The following CELF2 variants were observed in gnomAD, a reference collection of about 807,000 sequenced individuals.
CELF2 encodes the protein CUGBP Elav-like family member 2.
Under a neutral mutation model 62.6 loss-of-function variants are expected in CELF2, and 8 were observed. The ratio of observed to expected loss-of-function variants is 0.13; its 90% CI spans 0.07 to 0.23. CELF2 has a LOEUF of 0.23. Among genes scored for constraint, CELF2 ranks in the 10% least tolerant of loss-of-function variants. The probability of loss-of-function intolerance (pLI) is 1.00; values close to 1 mark genes in which losing one functional copy is unlikely to be tolerated. For missense variants in CELF2, 333 were observed against 671.0 expected (o/e 0.50, Z 5.56); for synonymous variants, 258 against 250.0 (o/e 1.03, Z -0.30).
the CELF2 span, among the ~76,000 whole-genome samples, chr10:10,541,268 A>T: frequency 4.0e-5 from 6 of 149,458 alleles, no homozygotes; most frequent in Admixed American, 4.0e-4. Flanking sequence ...AAAGACCCAC[A>T]CACATATAAA....
In CELF2 at chr10:11,260,614, A is replaced by G. The variant is rs2080216586; in HGVS notation, c.538+2742A>G. On this transcript the variant is annotated intron_variant, in intron 5 of 12. Transcript: ENST00000633077. This position sits in a 1 kb window ranked among gnomAD's most constrained non-coding sequence, Gnocchi z 4.2. ...CAATATTTTATGCAAACGCTGGCTCAGTGGAAAGAGGAGAAAACTTTTCCC... is the reference window on the plus strand; with the variant it reads ...CAATATTTTATGCAAACGCTGGCTCGGTGGAAAGAGGAGAAAACTTTTCCC... Among the ~76,000 whole-genome samples the G allele has an allele frequency of 6.6e-6, 1 of 151,788 alleles. No individual in the cohort carries two copies. The highest frequency in any genetic ancestry group is 1.9e-4 in the East Asian group (1 of 5,168).
chr10:10,515,398 A>T, the CELF2 span, among the ~76,000 whole-genome samples: 1 of 152,224 alleles, frequency 6.6e-6, no homozygotes, highest in Non-Finnish European at 1.5e-5. Context: ...AAGCTCATTC[A>T]TTGGAGCTGA....
chr10:10,981,897 T>A (rs2052159953), intron 2 of CELF2, among the ~76,000 whole-genome samples: 2 of 151,646 alleles, frequency 1.3e-5, no homozygotes, highest in African/African-American at 4.8e-5. Context: ...CTGTCCAATT[T>A]CCAAGCCTCC....
At chr10:10,544,410 A>G in the CELF2 span, among the ~76,000 whole-genome samples, 1 of 152,370 alleles carries the variant, frequency 6.6e-6, no homozygotes, top group East Asian at 1.9e-4. Context: ...AGCCTCAGTT[A>G]CTACTTAGAG....
chr10:10,507,111 C>T, the CELF2 span, among the ~76,000 whole-genome samples: 1 of 152,132 alleles, frequency 6.6e-6, no homozygotes, highest in Admixed American at 6.5e-5. Context: ...TTTCAGCGAT[C>T]GCTGTCCTAG....
intron 1 of CELF2, among the ~76,000 whole-genome samples, chr10:11,148,742 G>A (rs2132558974): frequency 6.6e-6 from 1 of 152,180 alleles, no homozygotes; most frequent in South Asian, 2.1e-4. Flanking sequence ...CTCTGTCAGG[G>A]TTCTGGAATG....
chr10:10,745,196 C>A, the CELF2 span, among the ~76,000 whole-genome samples: 8 of 151,946 alleles, frequency 5.3e-5, no homozygotes, highest in Non-Finnish European at 1.0e-4. Flanking sequence ...ATGGACATGG[C>A]CTACTTGTGA....
At chr10:10,914,455 A>G (rs1025592135) in intron 1 of CELF2, among the ~76,000 whole-genome samples, 2 of 152,256 alleles carry the variant, frequency 1.3e-5, no homozygotes, top group Non-Finnish European at 2.9e-5. Context: ...AATGCTCTAC[A>G]TATTTAAAAT....
the CELF2 span, among the ~76,000 whole-genome samples, chr10:10,751,033 G>A: frequency 2.0e-5 from 3 of 152,342 alleles, no homozygotes; most frequent in Non-Finnish European, 1.5e-5. Context: ...TTTCGAACCC[G>A]TTTCAGCGAT....
chr10:10,541,267 C>G, the CELF2 span, among the ~76,000 whole-genome samples: 1 of 148,370 alleles, frequency 6.7e-6, no homozygotes, highest in Non-Finnish European at 1.5e-5. Flanking sequence ...AAAAGACCCA[C>G]ACACATATAA....
At chr10:10,504,681 T>C in the CELF2 span, among the ~76,000 whole-genome samples, 1 of 152,172 alleles carries the variant, frequency 6.6e-6, no homozygotes, top group Non-Finnish European at 1.5e-5. Context: ...ATATTTTTGT[T>C]ATAGCCCTAT....
At chr10:11,146,729 C>T (rs75190669) in intron 1 of CELF2, among the ~76,000 whole-genome samples, 1,638 of 152,268 alleles carry the variant, frequency 0.011, 24 homozygotes, top group African/African-American at 0.038. Flanking sequence ...GGATTCTTTC[C>T]ATGTGAGGCC....
chr10:11,325,486 G>A (rs2095675712), intron 11 of CELF2, among the ~76,000 whole-genome samples: 1 of 152,144 alleles, frequency 6.6e-6, no homozygotes, highest in Admixed American at 6.5e-5. Flanking sequence ...AGAAAATACG[G>A]CCACCCAAGA....
chr10:10,917,019 T>A (rs530093205), intron 1 of CELF2, among the ~76,000 whole-genome samples: 1 of 152,304 alleles, frequency 6.6e-6, no homozygotes, highest in East Asian at 1.9e-4. Flanking sequence ...TGTCATTTTT[T>A]ATCTTTTCAA....
At chr10:10,578,131 A>T in the CELF2 span, among the ~76,000 whole-genome samples, 1 of 151,308 alleles carries the variant, frequency 6.6e-6, no homozygotes, top group Non-Finnish European at 1.5e-5. Context: ...CATTTTTTTC[A>T]TGTGTCTTTT....
intron 1 of CELF2, among the ~76,000 whole-genome samples, chr10:11,064,585 A>T (rs1310734444): frequency 1.3e-5 from 2 of 152,184 alleles, no homozygotes; most frequent in Admixed American, 1.3e-4. Context: ...GAAAGATTTA[A>T]AATTATTCAG....
At chr10:11,248,154 G>T in intron 3 of CELF2, among the ~76,000 whole-genome samples, 1 of 152,302 alleles carries the variant, frequency 6.6e-6, no homozygotes, top group East Asian at 1.9e-4. Flanking sequence ...CTTCCACCCC[G>T]TGGCTCCTGT....
chr10:10,857,496 C>G (rs901902398), intron 1 of CELF2, among the ~76,000 whole-genome samples: 2 of 151,340 alleles, frequency 1.3e-5, no homozygotes, highest in African/African-American at 4.9e-5. Context: ...TAACTGCCTG[C>G]CAAAGCACTC....
intron 1 of CELF2, among the ~76,000 whole-genome samples, chr10:10,910,158 A>T (rs1165513752): frequency 6.6e-6 from 1 of 152,230 alleles, no homozygotes; most frequent in Non-Finnish European, 1.5e-5. Context: ...TTATTGCAAA[A>T]TAGGCATCCT....
Sources: allele counts gnomAD v4.1 joint callset (sites outside exome capture counted in the v4.1 genomes callset), GRCh38; gene constraint gnomAD v4.1.1; non-coding constraint Gnocchi (gnomAD v3.1); transcripts MANE v1.5; gene names NCBI Gene and HGNC (gene_info 2026-07-23, HGNC 2026-07-21).